The following PCED1B variants were observed in gnomAD, a reference collection of about 807,000 sequenced individuals.
PCED1B encodes the protein PC-esterase domain containing 1B, also known as PC-esterase domain-containing protein 1B.
For missense variants in PCED1B, 573 were observed against 573.9 expected, an observed-to-expected ratio of 1.00 and a Z score of 0.02; for synonymous variants, 251 against 246.1, an observed-to-expected ratio of 1.02 and a Z score of -0.19.
chr12:47,185,015 C>G (rs997780872), intron 2 of PCED1B, among the ~76,000 whole-genome samples: 21 of 152,142 alleles, frequency 1.4e-4, no homozygotes, highest in African/African-American at 5.1e-4. Context: ...TTCTTTTTCC[C>G]TAGCTTTCCT....
chr12:47,217,836 C>T (rs1220473821), intron 3 of PCED1B, among the ~76,000 whole-genome samples: 1 of 152,186 alleles, frequency 6.6e-6, no homozygotes, highest in East Asian at 1.9e-4. Flanking sequence ...CTTGGCCTCC[C>T]AAAGTGTTGG....
At chr12:47,129,613 A>G (rs1940038632) in intron 2 of PCED1B, among the ~76,000 whole-genome samples, 1 of 152,152 alleles carries the variant, frequency 6.6e-6, no homozygotes, top group African/African-American at 2.4e-5. Context: ...TTTTTAAAGA[A>G]AAAAAAGAGT....
chr12:47,086,440 G>T (rs1042854346), intron 1 of PCED1B, among the ~76,000 whole-genome samples: 3 of 150,598 alleles, frequency 2.0e-5, no homozygotes, highest in Non-Finnish European at 4.4e-5. Context: ...TCACTGGAAG[G>T]TTACAATTTC....
chr12:47,209,342 G>A (rs1287757703), intron 2 of PCED1B: 1 of 152,372 alleles, frequency 6.6e-6, no homozygotes, highest in Non-Finnish European at 1.5e-5. Context: ...CCTGGCCAAC[G>A]GGGCATGGTG....
In PCED1B at chr12:47,236,592, C is replaced by G; in HGVS notation, c.*230C>G. ...TCCTGGGAGTGACCCAGCGTTATTC[C>G]TGCCTCCTCACTCCTATTCTCTTTG... On this transcript the variant is annotated 3_prime_UTR_variant, in exon 4 of 4. Transcript: ENST00000546455. The G allele has an allele frequency of 2.1e-6, 1 of 483,438 alleles. No homozygotes were observed. Among genetic ancestry groups the G allele is most frequent in the Non-Finnish European group, 3.7e-6 (1 of 268,474 alleles). 29.9% of individuals were successfully genotyped at this position (483,438 alleles called of 1,614,324 possible). A position where few individuals can be genotyped will look rare whatever the true frequency, so the allele number is the denominator to read the frequency against.
At position 47,222,098 on chromosome 12, in the gene PCED1B, A is replaced by C. The variant is rs1592311629; in HGVS notation, c.-58+5409A>C. On this transcript the variant is annotated intron_variant, in intron 3 of 3. Coordinates refer to ENST00000546455, the MANE Select transcript of PCED1B (RefSeq NM_138371.3). Reference sequence around the variant, plus strand: ...AGCCTGGGTGACAGAGTGAGACTCTATCTCTTAAAAAAAAAATTAAAAAAA... The same window carrying C: ...AGCCTGGGTGACAGAGTGAGACTCTCTCTCTTAAAAAAAAAATTAAAAAAA... Among the ~76,000 whole-genome samples, 8 of 118,730 alleles carry C rather than the reference A, an allele frequency of 6.7e-5. No individual in the cohort carries two copies. In the Admixed American group the frequency reaches 7.6e-4, roughly 11 times the overall value. The allele number at this position is 118,730 out of a possible 152,430, so 77.9% of individuals were successfully genotyped here.
At chr12:47,178,629 G>A (rs1220653716) in intron 2 of PCED1B, among the ~76,000 whole-genome samples, 1 of 152,088 alleles carries the variant, frequency 6.6e-6, no homozygotes, top group African/African-American at 2.4e-5. Flanking sequence ...AGCACTTTGG[G>A]AGGCTGAGGT....
intron 2 of PCED1B, among the ~76,000 whole-genome samples, chr12:47,167,636 C>T (rs1941588887): frequency 6.6e-6 from 1 of 152,178 alleles, no homozygotes; most frequent in Non-Finnish European, 1.5e-5. Context: ...TCATAAATAG[C>T]AGCACAGAGA....
chr12:47,211,017 A>T (rs1469380655), intron 2 of PCED1B, among the ~76,000 whole-genome samples: 2 of 152,248 alleles, frequency 1.3e-5, no homozygotes, highest in African/African-American at 4.8e-5. Context: ...TATTCATCAT[A>T]AAAGAATATG....
At chr12:47,162,702 TG>T (rs1169124268) in intron 2 of PCED1B, among the ~76,000 whole-genome samples, 1 of 152,164 alleles carries the variant, frequency 6.6e-6, no homozygotes, top group African/African-American at 2.4e-5. Flanking sequence ...GCAGATCTTA[TG>T]GTAACTCATA....
At chr12:47,156,554 C>CT (rs1224160738) in intron 2 of PCED1B, among the ~76,000 whole-genome samples, 1 of 151,996 alleles carries the variant, frequency 6.6e-6, no homozygotes, top group Non-Finnish European at 1.5e-5. Context: ...AGTCTATGCC[C>CT]TTGGGCTCAG....
chr12:47,123,201 A>G (rs1385805248), intron 2 of PCED1B, among the ~76,000 whole-genome samples: 8 of 152,206 alleles, frequency 5.3e-5, no homozygotes, highest in African/African-American at 7.2e-5. Flanking sequence ...ATCCGCATTC[A>G]GTTACAGCTA....
chr12:47,125,846 G>T (rs968116266), intron 2 of PCED1B, among the ~76,000 whole-genome samples: 1 of 151,864 alleles, frequency 6.6e-6, no homozygotes, highest in African/African-American at 2.4e-5. Context: ...TTTACATTTT[G>T]TTCTTGTATC....
At chr12:47,138,212 A>G (rs1185581431) in intron 2 of PCED1B, 2 of 152,186 alleles carry the variant, frequency 1.3e-5, no homozygotes, top group Non-Finnish European at 2.9e-5. Context: ...ACACGTACAC[A>G]TACTCAGATA....
intron 2 of PCED1B, among the ~76,000 whole-genome samples, chr12:47,163,598 T>C (rs1941456404): frequency 6.6e-6 from 1 of 152,192 alleles, no homozygotes; most frequent in Non-Finnish European, 1.5e-5. Flanking sequence ...CTATTTCTAG[T>C]TTGTTGACTT....
intron 2 of PCED1B, chr12:47,138,122 C>T (rs140436967): frequency 6.6e-6 from 1 of 152,256 alleles, no homozygotes; most frequent in African/African-American, 2.4e-5. Flanking sequence ...ACATGGTAAA[C>T]AGAACATACT....
intron 2 of PCED1B, among the ~76,000 whole-genome samples, chr12:47,161,947 A>G (rs1000634646): frequency 1.3e-5 from 2 of 152,192 alleles, no homozygotes; most frequent in South Asian, 2.1e-4. Context: ...AAAAGGATGA[A>G]TTCATGTCCT....
chr12:47,115,416 G>A (rs530779399), intron 2 of PCED1B, among the ~76,000 whole-genome samples: 1 of 151,958 alleles, frequency 6.6e-6, no homozygotes, highest in South Asian at 2.1e-4. Flanking sequence ...TACTTTTTTG[G>A]TGGACAAACA....
At chr12:47,114,940 T>C (rs557456400) in intron 2 of PCED1B, among the ~76,000 whole-genome samples, 25 of 152,338 alleles carry the variant, frequency 1.6e-4, no homozygotes, top group Middle Eastern at 3.4e-3. Flanking sequence ...TTGGACTATA[T>C]GCAAATTAAA....
Sources: allele counts gnomAD v4.1 joint callset (sites outside exome capture counted in the v4.1 genomes callset), GRCh38; gene constraint gnomAD v4.1.1; transcripts MANE v1.5; gene names NCBI Gene and HGNC (gene_info 2026-07-23, HGNC 2026-07-21).